LRRC28: variants seen among roughly 807,000 people sequenced by gnomAD.
The protein encoded by LRRC28 is leucine-rich repeat-containing protein 28.
A neutral mutation model predicts 45.7 loss-of-function variants in LRRC28; 39 were observed. The observed-to-expected ratio is 0.85, with a 90% CI of 0.66 to 1.12. The LOEUF (loss-of-function observed/expected upper bound fraction) is 1.12, where lower values mean the gene tolerates loss of function less well. Among genes scored for constraint, LRRC28 ranks in the 50% most tolerant of loss-of-function variants. The pLI, the probability that LRRC28 is intolerant of heterozygous loss-of-function variation, is 0.00. For synonymous variants in LRRC28, 206 were observed against 178.8 expected (o/e 1.15, Z -1.22); for missense variants, 435 against 438.5 (o/e 0.99, Z 0.07).
Position 99,363,102 on chromosome 15 carries a change from C to T in LRRC28, c.872-4C>T. 6.2e-7 allele frequency: 1 copy of T among 1,601,420 alleles called. No homozygotes were observed. The highest frequency in any genetic ancestry group is 8.5e-7 in the Non-Finnish European group (1 of 1,173,966). Reference sequence around the variant, plus strand: ...CGTGTGCGTGATTTTCTTTTGTGTTCCAGATTTGAACTTTCTGTCTCCAAT... The same window carrying T: ...CGTGTGCGTGATTTTCTTTTGTGTTTCAGATTTGAACTTTCTGTCTCCAAT... On this transcript the variant is annotated splice_region_variant and splice_polypyrimidine_tract_variant and intron_variant, in intron 8 of 9. Transcript: ENST00000301981.
intron 3 of LRRC28, 52 bp downstream of exon 3, chr15:99,276,668 G>T: frequency 7.2e-7 from 1 of 1,382,110 alleles, no homozygotes; most frequent in Non-Finnish European, 9.7e-7. Context: ...ATAATTCTAA[G>T]TTGTTTGAAA....
chr15:99,259,203 G>C, intron 2 of LRRC28: 1 of 1,099,476 alleles, frequency 9.1e-7, no homozygotes, highest in South Asian at 1.2e-5. Flanking sequence ...GATGTTGAAA[G>C]AATGAAGGAA....
chr15:99,341,340 G>T (rs1956504955), intron 6 of LRRC28, among the ~76,000 whole-genome samples: 1 of 151,798 alleles, frequency 6.6e-6, no homozygotes, highest in Admixed American at 6.6e-5. Flanking sequence ...GATCCACCTG[G>T]CTCAGCCTCC....
At chr15:99,267,551 C>T in intron 2 of LRRC28, among the ~76,000 whole-genome samples, 1 of 152,160 alleles carries the variant, frequency 6.6e-6, no homozygotes, top group East Asian at 1.9e-4. Flanking sequence ...TGTTCTTGAG[C>T]TAGCTCTGTA....
chr15:99,274,401 T>C (rs2081563075), intron 2 of LRRC28, among the ~76,000 whole-genome samples: 1 of 152,200 alleles, frequency 6.6e-6, no homozygotes, highest in South Asian at 2.1e-4. Flanking sequence ...GTATAAAATA[T>C]AAGCCTTTAG....
intron 9 of LRRC28, among the ~76,000 whole-genome samples, chr15:99,376,281 A>AAC (rs1377561963): frequency 6.6e-6 from 1 of 152,062 alleles, no homozygotes; most frequent in Non-Finnish European, 1.5e-5. Flanking sequence ...TATGTGTTTG[A>AAC]AGATTTTCCT....
At chr15:99,352,575 T>G in intron 7 of LRRC28, 104 bp downstream of exon 7, 1 of 846,492 alleles carries the variant, frequency 1.2e-6, no homozygotes. Context: ...CCAGGTATCC[T>G]TAGAAACTAA....
intron 5 of LRRC28, among the ~76,000 whole-genome samples, chr15:99,322,016 G>A (rs1955814695): frequency 6.6e-6 from 1 of 152,180 alleles, no homozygotes; most frequent in Non-Finnish European, 1.5e-5. Context: ...TGAAACACAA[G>A]AAAGAGTCTA....
chr15:99,257,160 A>T (rs2081046510), intron 2 of LRRC28, among the ~76,000 whole-genome samples: 3 of 152,200 alleles, frequency 2.0e-5, no homozygotes, highest in Admixed American at 1.3e-4. Context: ...TCTGTCTGGA[A>T]GTAAATAGAT....
chr15:99,375,418 C>G (rs1380459088), intron 9 of LRRC28, among the ~76,000 whole-genome samples: 4 of 152,096 alleles, frequency 2.6e-5, no homozygotes. Flanking sequence ...AGATACTGGT[C>G]TGTAATTTTC....
intron 5 of LRRC28, among the ~76,000 whole-genome samples, chr15:99,329,179 A>G (rs1038490147): frequency 2.0e-5 from 3 of 152,192 alleles, no homozygotes; most frequent in South Asian, 2.1e-4. Flanking sequence ...TAAGTGTATG[A>G]GGCTACTTAA....
At chr15:99,327,620 G>C (rs942730889) in intron 5 of LRRC28, among the ~76,000 whole-genome samples, 2 of 151,754 alleles carry the variant, frequency 1.3e-5, no homozygotes, top group South Asian at 4.2e-4. Flanking sequence ...TATTTGCTTT[G>C]GTTAGTCTAG....
chr15:99,251,711 C>T (rs1336406017), intron 1 of LRRC28, 170 bp downstream of exon 1: 1 of 152,254 alleles, frequency 6.6e-6, no homozygotes, highest in Non-Finnish European at 1.5e-5. Flanking sequence ...GTCCTCCTCC[C>T]ACTCTGCGGC....
At chr15:99,342,014 C>T (rs762356565) in intron 6 of LRRC28, among the ~76,000 whole-genome samples, 2 of 152,196 alleles carry the variant, frequency 1.3e-5, no homozygotes, top group African/African-American at 2.4e-5. Context: ...TTCATACAAG[C>T]AGCCATGGCA....
intron 7 of LRRC28, among the ~76,000 whole-genome samples, chr15:99,359,827 C>T (rs1371968578): frequency 6.6e-6 from 1 of 152,148 alleles, no homozygotes; most frequent in Non-Finnish European, 1.5e-5. Flanking sequence ...ATTATGTGAA[C>T]AAAATCGCAT....
intron 5 of LRRC28, among the ~76,000 whole-genome samples, chr15:99,294,038 G>A (rs911585300): frequency 1.6e-4 from 24 of 152,182 alleles, no homozygotes; most frequent in Non-Finnish European, 1.5e-4. Flanking sequence ...TTTCTGATGA[G>A]AAGTCAGCCA....
Position 99,290,843 on chromosome 15 carries a change from C to G in LRRC28, c.385+2892C>G, listed in dbSNP as rs1410291027. Among the ~76,000 whole-genome samples, 7 of 151,954 alleles carry G rather than the reference C, an allele frequency of 4.6e-5. No homozygotes were observed. In the East Asian group the frequency reaches 1.3e-3, roughly 29 times the overall value. ...ATTAGCCGTGCATGGTGACACACAC[C>G]TTAGTCCTAGCTGCTTGGGAGGCTG... On this transcript the variant is annotated intron_variant, in intron 5 of 9. Coordinates refer to ENST00000301981, the MANE Select transcript of LRRC28 (RefSeq NM_144598.5).
At chr15:99,262,348 A>G (rs1370208035) in intron 2 of LRRC28, among the ~76,000 whole-genome samples, 1 of 152,084 alleles carries the variant, frequency 6.6e-6, no homozygotes, top group Non-Finnish European at 1.5e-5. Flanking sequence ...TTGGGAGGCC[A>G]AGGTGGGCAG....
At chr15:99,328,672 C>T (rs1197581373) in intron 5 of LRRC28, among the ~76,000 whole-genome samples, 1 of 148,476 alleles carries the variant, frequency 6.7e-6, no homozygotes, top group African/African-American at 2.5e-5. Context: ...GGAAAATCTG[C>T]CCTCATTACT....
Sources: gnomAD v4.1 joint callset for allele counts (sites outside exome capture counted in the v4.1 genomes callset) on GRCh38, gnomAD v4.1.1 for gene constraint, MANE v1.5 for transcripts, NCBI Gene and HGNC (gene_info 2026-07-23, HGNC 2026-07-21) for gene names.